NCKAP5: variants seen among roughly 807,000 people sequenced by gnomAD.
The protein encoded by NCKAP5 is NCK associated protein 5.
NCKAP5 carries 92 observed loss-of-function variants against 167.0 expected under a neutral mutation model. That is an observed-to-expected ratio of 0.55 (90% confidence interval 0.47 to 0.66). NCKAP5 has a LOEUF of 0.66. Among genes scored for constraint, NCKAP5 ranks in the 30% least tolerant of loss-of-function variants. NCKAP5 has a pLI of 0.00. For missense variants in NCKAP5, 2,378 were observed against 2,315.0 expected, an observed-to-expected ratio of 1.03 and a Z score of -0.56; for synonymous variants, 891 against 877.4, an observed-to-expected ratio of 1.02 and a Z score of -0.27.
chr2:133,353,824 C>T (rs1327641318), intron 3 of NCKAP5, among the ~76,000 whole-genome samples: 1 of 152,118 alleles, frequency 6.6e-6, no homozygotes, highest in Non-Finnish European at 1.5e-5. Flanking sequence ...CGACTCCATC[C>T]CCACTTCCAG....
At chr2:132,770,213 T>C (rs1681906988) in intron 16 of NCKAP5, among the ~76,000 whole-genome samples, 1 of 152,066 alleles carries the variant, frequency 6.6e-6, no homozygotes. Flanking sequence ...CTTGTTACAA[T>C]ACAAATATGT....
intron 3 of NCKAP5, among the ~76,000 whole-genome samples, chr2:133,468,029 T>C (rs1692734846): frequency 9.5e-6 from 1 of 104,804 alleles, no homozygotes; most frequent in Admixed American, 1.0e-4. Flanking sequence ...GCTCTGATTT[T>C]AGTTATTTCT....
chr2:133,504,883 C>G (rs1682864217), intron 3 of NCKAP5, among the ~76,000 whole-genome samples: 1 of 152,104 alleles, frequency 6.6e-6, no homozygotes, highest in Non-Finnish European at 1.5e-5. Flanking sequence ...GGAGCAAAGG[C>G]AGTCAGATGG....
At chr2:133,027,392 T>C (rs530716351) in intron 6 of NCKAP5, among the ~76,000 whole-genome samples, 18 of 152,342 alleles carry the variant, frequency 1.2e-4, no homozygotes, top group African/African-American at 4.3e-4. Context: ...GTGCTTTGCA[T>C]GTATTAACTC....
At chr2:133,467,338 A>C (rs1296722714) in intron 3 of NCKAP5, among the ~76,000 whole-genome samples, 8 of 152,210 alleles carry the variant, frequency 5.3e-5, no homozygotes, top group East Asian at 1.9e-4. Context: ...ATTGAACCAG[A>C]CTTGCATCCC....
At chr2:133,614,022 G>A in the NCKAP5 span, among the ~76,000 whole-genome samples, 2 of 152,110 alleles carry the variant, frequency 1.3e-5, no homozygotes, top group Admixed American at 6.5e-5. Context: ...GCCCCTGCTC[G>A]GATGGACAGA....
intron 6 of NCKAP5, among the ~76,000 whole-genome samples, chr2:133,054,799 A>G (rs1406205637): frequency 6.6e-6 from 1 of 152,192 alleles, no homozygotes; most frequent in Admixed American, 6.5e-5. Context: ...TCAGATGTCC[A>G]GGGGGCCACC....
chr2:133,484,303 T>C (rs151103812), intron 3 of NCKAP5, among the ~76,000 whole-genome samples: 2 of 152,158 alleles, frequency 1.3e-5, no homozygotes, highest in Non-Finnish European at 2.9e-5. Flanking sequence ...CTTGTCTTCA[T>C]GTGGTTATGA....
the NCKAP5 span, among the ~76,000 whole-genome samples, chr2:133,582,503 T>G: frequency 1.3e-5 from 2 of 152,170 alleles, no homozygotes; most frequent in African/African-American, 4.8e-5. Context: ...GGTGTTACTA[T>G]CAGTTAATTC....
At chr2:133,504,910 C>T (rs1682866373) in intron 3 of NCKAP5, among the ~76,000 whole-genome samples, 1 of 152,062 alleles carries the variant, frequency 6.6e-6, no homozygotes, top group South Asian at 2.1e-4. Flanking sequence ...TTCCCCAGTT[C>T]CCCCCCAAAA....
At chr2:133,364,439 A>G (rs1280636284) in intron 3 of NCKAP5, among the ~76,000 whole-genome samples, 2 of 152,172 alleles carry the variant, frequency 1.3e-5, no homozygotes. Flanking sequence ...AATTCTCTTT[A>G]TATCTCCCAT....
chr2:133,505,372 CATATAT>C (rs143893267), intron 3 of NCKAP5, among the ~76,000 whole-genome samples: 3 of 151,050 alleles, frequency 2.0e-5, no homozygotes, highest in African/African-American at 7.3e-5. Context: ...TTTTAAACAT[CATATAT>C]ATATATATGT....
At chr2:132,975,339 C>T (rs1276419012) in intron 7 of NCKAP5, among the ~76,000 whole-genome samples, 3 of 152,164 alleles carry the variant, frequency 2.0e-5, no homozygotes, top group Non-Finnish European at 4.4e-5. Flanking sequence ...TATGAACCCA[C>T]GACCACTGAC....
chr2:132,866,748 C>A (rs1690386615), intron 10 of NCKAP5, among the ~76,000 whole-genome samples: 1 of 152,176 alleles, frequency 6.6e-6, no homozygotes, highest in Non-Finnish European at 1.5e-5. Flanking sequence ...TATTTCACCT[C>A]AAGGATCTTC....
the NCKAP5 span, among the ~76,000 whole-genome samples, chr2:133,578,963 A>G: frequency 6.6e-6 from 1 of 152,344 alleles, no homozygotes; most frequent in Admixed American, 6.5e-5. Context: ...GTTCTTAAGA[A>G]ACACATACTT....
intron 6 of NCKAP5, among the ~76,000 whole-genome samples, chr2:133,049,544 CAAAAAAA>C (rs59494014): frequency 2.6e-5 from 2 of 78,296 alleles, no homozygotes; most frequent in Non-Finnish European, 4.9e-5. Flanking sequence ...GACTCTGTCT[CAAAAAAA>C]AAAAAAAAAA....
intron 3 of NCKAP5, among the ~76,000 whole-genome samples, chr2:133,474,463 A>G (rs919145850): frequency 1.7e-4 from 26 of 152,356 alleles, no homozygotes; most frequent in African/African-American, 6.3e-4. Flanking sequence ...GACTGCAGGA[A>G]TAAGTTCAAG....
chr2:133,224,423 C>G (rs896882604), intron 4 of NCKAP5, among the ~76,000 whole-genome samples: 1 of 152,178 alleles, frequency 6.6e-6, no homozygotes, highest in Non-Finnish European at 1.5e-5. Context: ...ATCGCATGTT[C>G]CAGATCTTGA....
At chr2:133,312,774 C>G (rs930083581) in intron 3 of NCKAP5, among the ~76,000 whole-genome samples, 19 of 152,304 alleles carry the variant, frequency 1.2e-4, no homozygotes, top group Non-Finnish European at 1.0e-4. Flanking sequence ...TACTGTACAC[C>G]TAGCCTATGC....
Sources: allele counts gnomAD v4.1 joint callset (sites outside exome capture counted in the v4.1 genomes callset), GRCh38; gene constraint gnomAD v4.1.1; transcripts MANE v1.5; gene names NCBI Gene and HGNC (gene_info 2026-07-23, HGNC 2026-07-21).